Variants in NRXN1 observed in about 807,000 individuals in gnomAD.
NRXN1 encodes neurexin 1, also known as neurexin-1.
A neutral mutation model predicts 150.9 loss-of-function variants in NRXN1; 39 were observed. The observed-to-expected ratio is 0.26, with a 90% CI of 0.20 to 0.34. NRXN1 has a LOEUF of 0.34. NRXN1 is among the 10% of genes least tolerant of loss of function. The pLI is 1.00. For missense variants in NRXN1, 1,815 were observed against 1,949.9 expected (o/e 0.93, Z 1.30); for synonymous variants, 924 against 757.0 (o/e 1.22, Z -3.62).
intron 19 of NRXN1, among the ~76,000 whole-genome samples, chr2:50,073,776 T>C (rs529609481): frequency 1.8e-4 from 28 of 152,196 alleles, no homozygotes; most frequent in Non-Finnish European, 3.2e-4. Context: ...TAATCTCTTT[T>C]TAGGAAGAGT....
At chr2:50,237,666 T>C (rs1349956244) in intron 17 of NRXN1, among the ~76,000 whole-genome samples, 2 of 151,920 alleles carry the variant, frequency 1.3e-5, no homozygotes, top group South Asian at 2.1e-4. Context: ...CTGAGAATAA[T>C]GTCACGGACT....
intron 18 of NRXN1, 24 bp downstream of exon 18, chr2:50,236,765 G>A (rs1401477010): frequency 1.2e-6 from 2 of 1,609,200 alleles, no homozygotes; most frequent in Non-Finnish European, 1.7e-6. Context: ...AGTAAAAGCT[G>A]AATCTTATGC....
intron 8 of NRXN1, chr2:50,619,525 T>C (rs1316573510): frequency 6.1e-6 from 1 of 165,240 alleles, no homozygotes; most frequent in African/African-American, 2.4e-5. Context: ...CTCCAGAATG[T>C]GTTGAAAATA....
chr2:50,446,061 T>C (rs2086377321), intron 17 of NRXN1, among the ~76,000 whole-genome samples: 1 of 152,142 alleles, frequency 6.6e-6, no homozygotes, highest in South Asian at 2.1e-4. Flanking sequence ...CATATTATTC[T>C]TGATTATACA....
chr2:50,971,394 C>T (rs1209221846), intron 2 of NRXN1, among the ~76,000 whole-genome samples: 2 of 151,910 alleles, frequency 1.3e-5, no homozygotes, highest in Admixed American at 1.3e-4. Context: ...ACCAGCCTGG[C>T]CAACATGGTG....
At chr2:50,091,062 T>C (rs994846414) in intron 19 of NRXN1, among the ~76,000 whole-genome samples, 3 of 152,248 alleles carry the variant, frequency 2.0e-5, no homozygotes, top group Non-Finnish European at 4.4e-5. Context: ...GTGCTTTTTA[T>C]GTGTGCATTT....
At chr2:50,302,041 A>C (rs1461147259) in intron 17 of NRXN1, among the ~76,000 whole-genome samples, 1 of 152,216 alleles carries the variant, frequency 6.6e-6, no homozygotes, top group African/African-American at 2.4e-5. Context: ...ACAAACATGA[A>C]GAAATATTTT....
intron 5 of NRXN1, among the ~76,000 whole-genome samples, chr2:50,674,520 G>C (rs1427057743): frequency 1.3e-5 from 2 of 152,072 alleles, no homozygotes; most frequent in African/African-American, 4.8e-5. Flanking sequence ...ATGGAAAATA[G>C]AAAGGAAGCA....
intron 17 of NRXN1, among the ~76,000 whole-genome samples, chr2:50,275,612 T>C (rs1328800921): frequency 1.3e-5 from 2 of 152,118 alleles, no homozygotes; most frequent in African/African-American, 4.8e-5. Flanking sequence ...ACAAAATTTG[T>C]CTTTGTCTAA....
In NRXN1 at chr2:50,448,301, G is replaced by A. The variant is rs560765290; in HGVS notation, c.3364+17141C>T. On this transcript the variant is annotated intron_variant, in intron 17 of 22. Transcript: ENST00000401669. ...GCCTAACTTTATGTGGATTGCTTATGCTATTCATCTCACTTTCTCCCTCCA... is the reference window on the plus strand; with the variant it reads ...GCCTAACTTTATGTGGATTGCTTATACTATTCATCTCACTTTCTCCCTCCA... Among the ~76,000 whole-genome samples the A allele has an allele frequency of 2.6e-5, 4 of 152,256 alleles. No individual in the cohort carries two copies. In the South Asian group the frequency reaches 8.3e-4, roughly 32 times the overall value.
intron 8 of NRXN1, among the ~76,000 whole-genome samples, chr2:50,613,397 T>C (rs1409765880): frequency 1.3e-5 from 2 of 152,200 alleles, no homozygotes; most frequent in Non-Finnish European, 2.9e-5. Context: ...TATTAGAACA[T>C]GGCTACTTTG....
chr2:50,969,219 A>T (rs531140999), intron 2 of NRXN1, among the ~76,000 whole-genome samples: 1 of 152,092 alleles, frequency 6.6e-6, no homozygotes, highest in Non-Finnish European at 1.5e-5. Flanking sequence ...CGGAGCACTA[A>T]TCATTAATTA....
rs544842342 is a variant in NRXN1, at chr2:50,494,066, T to A, written c.3070+1839A>T. Among the ~76,000 whole-genome samples, 12 of 152,300 alleles carry A rather than the reference T, an allele frequency of 7.9e-5. No individual in the cohort carries two copies. The South Asian group carries it at 2.5e-3, about 32-fold the overall frequency. On this transcript the variant is annotated intron_variant, in intron 15 of 22. Transcript: ENST00000401669. ...AAGAATCCTAGTCTACAATCTCCTATTACCTTCACTTCCATTTGTTAATGA... is the reference window on the plus strand; with the variant it reads ...AAGAATCCTAGTCTACAATCTCCTAATACCTTCACTTCCATTTGTTAATGA...
rs112554794 is a variant in NRXN1 at position 50,970,538 on chromosome 2, G to A, written c.773-44583C>T. Among the ~76,000 whole-genome samples the A allele has an allele frequency of 3.3e-5, 5 of 152,152 alleles. 1 individual carries two copies. In the East Asian group the frequency reaches 5.8e-4, roughly 18 times the overall value. On this transcript the variant is annotated intron_variant, in intron 2 of 22. Transcript: ENST00000401669. Reference sequence around the variant, plus strand: ...GAAGAATAAATTTATATTAAGGTGAGCAGTAAGATGGAAACACCAGAATAA... The same window carrying A: ...GAAGAATAAATTTATATTAAGGTGAACAGTAAGATGGAAACACCAGAATAA...
At position 50,538,388 on chromosome 2, in the gene NRXN1, G is replaced by T. The variant is rs762326241; in HGVS notation, c.2008C>A (p.Pro670Thr). The T allele has an allele frequency of 9.3e-6, 15 of 1,613,842 alleles. No individual in the cohort carries two copies. Among genetic ancestry groups the T allele is most frequent in the South Asian group, 5.5e-5 (5 of 91,082 alleles). Residue 670 changes from proline (P) to threonine (T), a missense_variant, in exon 10 of 23, where the codon CCT becomes ACT. Pro to Thr is a conservative substitution (Grantham distance 38, BLOSUM62 -1). Transcript: ENST00000401669. The part of the protein sequence containing the change: ...AEVQSTAGVK[P>T]SCSKETAKPC... Reference sequence around the variant, plus strand: ...TTTGCTGTTTCCTTTGAGCAGGAAGGCTTCACTCCAGCAGTACTTTGAACT... The same window carrying T: ...TTTGCTGTTTCCTTTGAGCAGGAAGTCTTCACTCCAGCAGTACTTTGAACT...
chr2:50,139,607 A>G (rs145959071), intron 18 of NRXN1, among the ~76,000 whole-genome samples: 177 of 152,178 alleles, frequency 1.2e-3, no homozygotes, highest in African/African-American at 4.0e-3. Context: ...AGGAAAAAAC[A>G]AAACAAAACA....
intron 5 of NRXN1, among the ~76,000 whole-genome samples, chr2:50,794,841 C>A (rs1026895713): frequency 5.9e-5 from 9 of 152,018 alleles, no homozygotes; most frequent in African/African-American, 2.2e-4. Flanking sequence ...TTTTGAAACA[C>A]AATTTTTTCA....
chr2:50,534,499 G>A (rs1166685822), intron 10 of NRXN1, among the ~76,000 whole-genome samples: 3 of 152,106 alleles, frequency 2.0e-5, no homozygotes, highest in East Asian at 3.9e-4. Context: ...TCAAATTGCT[G>A]TTGCTCAAAA....
chr2:50,491,196 T>A (rs2091232828), intron 15 of NRXN1, among the ~76,000 whole-genome samples: 1 of 152,180 alleles, frequency 6.6e-6, no homozygotes, highest in Non-Finnish European at 1.5e-5. Context: ...TGACTTTGAA[T>A]AGAATCTGGT....
Sources: allele counts gnomAD v4.1 joint callset (sites outside exome capture counted in the v4.1 genomes callset), GRCh38; gene constraint gnomAD v4.1.1; transcripts MANE v1.5; gene names NCBI Gene and HGNC (gene_info 2026-07-23, HGNC 2026-07-21).